The following TMEM255B variants were observed in gnomAD, a reference collection of about 807,000 sequenced individuals.
TMEM255B encodes transmembrane protein 255B.
Under a neutral mutation model 34.5 loss-of-function variants are expected in TMEM255B, and 35 were observed. That is an observed-to-expected ratio of 1.01 (90% CI 0.77 to 1.34). The LOEUF (loss-of-function observed/expected upper bound fraction) is 1.34. TMEM255B is among the 40% of genes most tolerant of loss of function. The pLI is 0.00. For missense variants in TMEM255B, 432 were observed against 433.2 expected (o/e 1.00, Z 0.02); for synonymous variants, 206 against 201.2 (o/e 1.02, Z -0.20).
intron 8 of TMEM255B, among the ~76,000 whole-genome samples, chr13:113,808,367 A>G (rs1204304770): frequency 6.6e-6 from 1 of 152,180 alleles, no homozygotes; most frequent in Non-Finnish European, 1.5e-5. Context: ...CCCGTTACTA[A>G]GAAACATGCC....
chr13:113,802,353 C>A lies in TMEM255B; in HGVS notation c.669+541C>A, dbSNP rs1002736712. ...GGGCCGGATGTCCTCTCTCTTCTCC[C>A]TCCTCTGCCCTCTCCTGGCGCCTGT... On this transcript the variant is annotated intron_variant, in intron 7 of 8. Transcript: ENST00000375353. Among the ~76,000 whole-genome samples the A allele has an allele frequency of 3.9e-5, 6 of 152,338 alleles. No individual in the cohort carries two copies. The East Asian group carries it at 7.7e-4, about 20-fold the overall frequency.
At chr13:113,764,741 CA>C (rs1449505585) in intron 1 of TMEM255B, among the ~76,000 whole-genome samples, 1 of 152,176 alleles carries the variant, frequency 6.6e-6, no homozygotes, top group Non-Finnish European at 1.5e-5. Context: ...GTGGAGAGCA[CA>C]GGGGTGAGTG....
At chr13:113,762,170 C>T (rs1363082145) in intron 1 of TMEM255B, among the ~76,000 whole-genome samples, 1 of 150,938 alleles carries the variant, frequency 6.6e-6, no homozygotes, top group Non-Finnish European at 1.5e-5. Context: ...AGTGAAAGCC[C>T]CTTTCTCTTG....
At chr13:113,781,416 C>T (rs1254873223) in intron 3 of TMEM255B, among the ~76,000 whole-genome samples, 1 of 152,186 alleles carries the variant, frequency 6.6e-6, no homozygotes, top group East Asian at 1.9e-4. Context: ...TTCACATTCC[C>T]GTGCCTCCTT....
At position 113,788,904 on chromosome 13, in the gene TMEM255B, C is replaced by A. The variant is rs549748304; in HGVS notation, c.253-6244C>A. On this transcript the variant is annotated intron_variant, in intron 3 of 8. Transcript: ENST00000375353. ...GCCGCGCCTCCCTCCCTCCCTCCTGCCCCACTCATCCTGCCTCGTGGAGGC... is the reference window on the plus strand; with the variant it reads ...GCCGCGCCTCCCTCCCTCCCTCCTGACCCACTCATCCTGCCTCGTGGAGGC... Among the ~76,000 whole-genome samples, 5 of 152,238 alleles carry A rather than the reference C, an allele frequency of 3.3e-5. No individual in the cohort carries two copies. In the South Asian group the frequency reaches 1.0e-3, roughly 32 times the overall value.
chr13:113,798,804 GATGA>G (rs1277262455), intron 4 of TMEM255B, among the ~76,000 whole-genome samples: 1 of 152,096 alleles, frequency 6.6e-6, no homozygotes, highest in Non-Finnish European at 1.5e-5. Context: ...ATGCATTATG[GATGA>G]ATGAATAGAT....
At chr13:113,778,529 C>T (rs537377100) in intron 3 of TMEM255B, among the ~76,000 whole-genome samples, 10 of 142,262 alleles carry the variant, frequency 7.0e-5, no homozygotes, top group South Asian at 2.3e-4. Context: ...CGTCTTCTCC[C>T]GGGTGAGTCT....
intron 3 of TMEM255B, among the ~76,000 whole-genome samples, chr13:113,772,958 G>C (rs1355104257): frequency 6.6e-6 from 1 of 152,182 alleles, no homozygotes; most frequent in Non-Finnish European, 1.5e-5. Context: ...GATTCTGGTA[G>C]GGATGTGCTG....
intron 5 of TMEM255B, among the ~76,000 whole-genome samples, 194 bp from the exon 6 acceptor site, chr13:113,800,633 C>T (rs538417677): frequency 5.3e-5 from 8 of 152,258 alleles, no homozygotes; most frequent in African/African-American, 1.9e-4. Context: ...TGCCCCTGAC[C>T]CCTCCTGCAG....
At chr13:113,792,235 G>A (rs557060519) in intron 3 of TMEM255B, among the ~76,000 whole-genome samples, 34 of 152,228 alleles carry the variant, frequency 2.2e-4, no homozygotes, top group Non-Finnish European at 2.9e-4. Flanking sequence ...ATTTCTGCCC[G>A]CTGTTTTTAC....
chr13:113,806,733 C>T lies in TMEM255B; in HGVS notation c.813+1705C>T, dbSNP rs2051179165. 6.6e-6 allele frequency among the ~76,000 whole-genome samples: 1 copy of T among 152,158 alleles called. No homozygotes were observed. The highest frequency in any genetic ancestry group is 1.5e-5 in the Non-Finnish European group (1 of 68,004). ...CCCATCATGGCAGGGACCGTGCCCC[C>T]AGGGCCACAGCCCTGTCCTGGGGGC... On this transcript the variant is annotated intron_variant, in intron 8 of 8. Transcript: ENST00000375353. This position sits in a 1 kb window ranked among gnomAD's most constrained non-coding sequence, Gnocchi z 4.2.
At chr13:113,760,920 C>T (rs1279746721) in intron 1 of TMEM255B, among the ~76,000 whole-genome samples, 3 of 140,670 alleles carry the variant, frequency 2.1e-5, no homozygotes, top group Non-Finnish European at 4.5e-5. Flanking sequence ...TATGGTCTTT[C>T]TGCTTTGGTG....
intron 7 of TMEM255B, among the ~76,000 whole-genome samples, chr13:113,802,483 C>T (rs2051083733): frequency 6.6e-6 from 1 of 152,204 alleles, no homozygotes; most frequent in Non-Finnish European, 1.5e-5. Context: ...GCCCCAACCC[C>T]CAGAGTATCC....
rs139660848 is a variant in TMEM255B at position 113,773,085 on chromosome 13, T to C, written c.252+3925T>C. Among the ~76,000 whole-genome samples the C allele has an allele frequency of 9.3e-4, 141 of 152,356 alleles. 1 individual carries two copies. The highest frequency in any genetic ancestry group is 3.1e-4 in the Non-Finnish European group (21 of 68,036). On this transcript the variant is annotated intron_variant, in intron 3 of 8. Transcript: ENST00000375353. ...CTTTAGTTTTTAAAACAATGTTTTG[T>C]AGTTCTTAGAGTATAAGTTTTGTAT...
At chr13:113,801,934 G>A (rs981096400) in intron 7 of TMEM255B, 122 bp downstream of exon 7, 38 of 1,167,646 alleles carry the variant, frequency 3.3e-5, no homozygotes, top group East Asian at 5.3e-5. Flanking sequence ...AAGCCCATGC[G>A]TCTGTCAGCA....
intron 4 of TMEM255B, 114 bp downstream of exon 4, chr13:113,795,351 C>G (rs781649360): frequency 5.9e-5 from 66 of 1,124,028 alleles, no homozygotes; most frequent in Non-Finnish European, 8.4e-5. Flanking sequence ...CCGTCAGTCT[C>G]CACGCTGGGG....
At chr13:113,782,458 G>A (rs972868012) in intron 3 of TMEM255B, among the ~76,000 whole-genome samples, 1 of 152,136 alleles carries the variant, frequency 6.6e-6, no homozygotes, top group Non-Finnish European at 1.5e-5. Context: ...TGAAAACTGT[G>A]GTAATCATTT....
rs147246143 is a variant in TMEM255B, at chr13:113,764,149, CGGG to C, written c.47-1964_47-1962del. ...TGGGCCGGGGCGTGGGCGTGGGACA[CGGG>C]GACACGGGTTGGGGCTGGGGGAGCA... On this transcript the variant is annotated intron_variant, in intron 1 of 8. Transcript: ENST00000375353. Among the ~76,000 whole-genome samples, 1,073 of 152,196 alleles carry C rather than the reference CGGG, an allele frequency of 7.1e-3. 13 individuals carry two copies. The highest frequency in any genetic ancestry group is 0.024 in the African/African-American group (1,003 of 41,528).
In TMEM255B at chr13:113,807,710, GGTCCTCCCTGTCACA is replaced by G. The variant is rs1286140247; in HGVS notation, c.813+2683_813+2697del. ...ACGCAGGCTTACGGGATGTGGGGGT[GGTCCTCCCTGTCACA>G]CGTGGGCTTATGGGATGTGGGGGGT... On this transcript the variant is annotated intron_variant, in intron 8 of 8. Transcript: ENST00000375353. Among the ~76,000 whole-genome samples, 919 of 113,754 alleles carry G rather than the reference GGTCCTCCCTGTCACA, an allele frequency of 8.1e-3. 85 individuals carry two copies. Among genetic ancestry groups the G allele is most frequent in the Admixed American group, 0.022 (210 of 9,642 alleles). The allele number at this position is 113,754 out of a possible 152,430, so 74.6% of individuals were successfully genotyped here. A position where few individuals can be genotyped will look rare whatever the true frequency, so the allele number is the denominator to read the frequency against.
Sources: allele counts gnomAD v4.1 joint callset (sites outside exome capture counted in the v4.1 genomes callset), GRCh38; gene constraint gnomAD v4.1.1; non-coding constraint Gnocchi (gnomAD v3.1); transcripts MANE v1.5; gene names NCBI Gene and HGNC (gene_info 2026-07-23, HGNC 2026-07-21).